The following PDZD2 variants were observed in gnomAD, a reference collection of about 807,000 sequenced individuals.
PDZD2 encodes the protein PDZ domain containing 2, also known as PDZ domain-containing protein 2.
PDZD2 carries 90 observed loss-of-function variants against 220.7 expected under a neutral mutation model. The observed-to-expected ratio is 0.41, with a 90% confidence interval of 0.34 to 0.49. The LOEUF (loss-of-function observed/expected upper bound fraction) is 0.49. Among genes scored for constraint, PDZD2 ranks in the 20% least tolerant of loss-of-function variants. The pLI, the probability that PDZD2 is intolerant of heterozygous loss-of-function variation, is 0.28. For synonymous variants in PDZD2, 1,375 were observed against 1,450.5 expected (o/e 0.95, Z 1.18); for missense variants, 3,174 against 3,608.5 (o/e 0.88, Z 3.08).
At chr5:31,650,833 G>A (rs1031166081) in intron 1 of PDZD2, among the ~76,000 whole-genome samples, 3 of 152,042 alleles carry the variant, frequency 2.0e-5, no homozygotes, top group African/African-American at 7.2e-5. Flanking sequence ...TGGTCTTTTC[G>A]GCCTCCGCGT....
At chr5:32,051,014 AGGTGGCAAGT>A (rs769370551) in intron 8 of PDZD2, among the ~76,000 whole-genome samples, 51 of 152,174 alleles carry the variant, frequency 3.4e-4, no homozygotes, top group Admixed American at 6.5e-4. Context: ...AGATACCTAC[AGGTGGCAAGT>A]GGCTACCATG....
chr5:31,837,616 C>T (rs573294590), intron 2 of PDZD2, among the ~76,000 whole-genome samples: 3 of 152,108 alleles, frequency 2.0e-5, no homozygotes, highest in South Asian at 2.1e-4. Flanking sequence ...CCGAGCTACT[C>T]GGGAGGCTGA....
chr5:32,078,638 T>TAAAAAAAAAAAA (rs66500422), intron 19 of PDZD2, among the ~76,000 whole-genome samples: 1 of 104,926 alleles, frequency 9.5e-6, no homozygotes. Context: ...TCTCAAAAAT[T>TAAAAAAAAAAAA]AAAAAAAAAA....
At chr5:31,694,580 G>A (rs906345005) in intron 1 of PDZD2, among the ~76,000 whole-genome samples, 5 of 152,138 alleles carry the variant, frequency 3.3e-5, no homozygotes, top group Admixed American at 2.6e-4. Context: ...GATGCTTCAC[G>A]AGATGCTGAA....
At chr5:31,737,424 G>T (rs1054634008) in intron 1 of PDZD2, among the ~76,000 whole-genome samples, 2 of 152,018 alleles carry the variant, frequency 1.3e-5, no homozygotes, top group Admixed American at 6.6e-5. Flanking sequence ...CGCCCGCCTT[G>T]GCCTCCCAAA....
At chr5:31,718,109 C>A (rs189007203) in intron 1 of PDZD2, among the ~76,000 whole-genome samples, 5 of 152,198 alleles carry the variant, frequency 3.3e-5, no homozygotes, top group Admixed American at 2.0e-4. Flanking sequence ...GGTTTTGGTG[C>A]TGTAAAAGAG....
At chr5:31,643,705 A>T (rs1745030603) in intron 1 of PDZD2, among the ~76,000 whole-genome samples, 1 of 152,248 alleles carries the variant, frequency 6.6e-6, no homozygotes, top group South Asian at 2.1e-4. Context: ...CTTTGATTAT[A>T]GTTGAAAAGA....
intron 23 of PDZD2, 166 bp from the exon 24 acceptor site, chr5:32,100,939 C>T (rs766777268): frequency 6.3e-7 from 1 of 1,598,888 alleles, no homozygotes; most frequent in Non-Finnish European, 8.5e-7. Context: ...GCCAACAGTG[C>T]TACTGGGCTC....
In PDZD2 at chr5:31,654,076, G is replaced by A. The variant is rs549127153; in HGVS notation, c.-361+14639G>A. Among the ~76,000 whole-genome samples the A allele has an allele frequency of 1.3e-4, 20 of 152,260 alleles. No individual in the cohort carries two copies. The South Asian group carries it at 2.1e-3, about 16-fold the overall frequency. On this transcript the variant is annotated intron_variant, in intron 1 of 24. Transcript: ENST00000438447. ...TGGGATTACAGGCGTGGGCCACCGC[G>A]CCTGGCCCCAATATATGTTTTAAGC... is the stretch of plus-strand genomic sequence containing the variant.
rs866266698 is a variant in PDZD2, at chr5:31,901,405, G to A, written c.477-81750G>A. Among the ~76,000 whole-genome samples the A allele has an allele frequency of 6.1e-5, 8 of 131,904 alleles. No individual in the cohort carries two copies. In the South Asian group the frequency reaches 9.9e-4, roughly 16 times the overall value. The allele number at this position is 131,904 out of a possible 152,430, so 86.5% of individuals were successfully genotyped here. A position where few individuals can be genotyped will look rare whatever the true frequency, so the allele number is the denominator to read the frequency against. ...TGCACTCCAGCCTGGGTGACAGAGC[G>A]AGACTGTCTCAAAAAAAAAAAAAAA... On this transcript the variant is annotated intron_variant, in intron 2 of 24. Coordinates refer to ENST00000438447, the MANE Select transcript of PDZD2 (RefSeq NM_178140.4).
chr5:31,801,489 G>A (rs1013487177), intron 2 of PDZD2, among the ~76,000 whole-genome samples: 1 of 152,170 alleles, frequency 6.6e-6, no homozygotes, highest in Non-Finnish European at 1.5e-5. Flanking sequence ...TTCTTTGAAA[G>A]TGGTCCCTAA....
chr5:31,938,926 G>A (rs1024256059), intron 2 of PDZD2, among the ~76,000 whole-genome samples: 1 of 152,184 alleles, frequency 6.6e-6, no homozygotes, highest in African/African-American at 2.4e-5. Context: ...GCCATCTTGT[G>A]TAAGTAGCTT....
chr5:31,936,171 C>G (rs1365630784), intron 2 of PDZD2: 1 of 987,434 alleles, frequency 1.0e-6, no homozygotes, highest in Admixed American at 6.2e-5. Flanking sequence ...GGGGAGCTGG[C>G]AGGAAGTTGG....
At chr5:31,749,857 C>T (rs916195855) in intron 1 of PDZD2, among the ~76,000 whole-genome samples, 3 of 152,162 alleles carry the variant, frequency 2.0e-5, no homozygotes, top group Admixed American at 6.5e-5. Context: ...GTGAGCCGCG[C>T]GTGGCTTCCC....
intron 1 of PDZD2, among the ~76,000 whole-genome samples, chr5:31,685,069 C>T (rs975535174): frequency 5.9e-5 from 9 of 152,066 alleles, no homozygotes; most frequent in African/African-American, 9.7e-5. Context: ...GCACCATTGC[C>T]CTCTCTGTTT....
intron 18 of PDZD2, among the ~76,000 whole-genome samples, chr5:32,076,831 T>C (rs183082649): frequency 9.2e-5 from 14 of 152,350 alleles, no homozygotes; most frequent in Admixed American, 8.5e-4. Context: ...TAACTGACAT[T>C]TTATGAAAAG....
intron 24 of PDZD2, chr5:32,107,215 C>T (rs956808838): frequency 1.3e-5 from 2 of 151,924 alleles, no homozygotes; most frequent in Non-Finnish European, 2.9e-5. Flanking sequence ...TTTTTCAAAG[C>T]TCATACAAAG....
At chr5:31,682,907 A>C (rs746276755) in intron 1 of PDZD2, among the ~76,000 whole-genome samples, 2 of 152,024 alleles carry the variant, frequency 1.3e-5, no homozygotes, top group African/African-American at 4.8e-5. Flanking sequence ...TCTCCCGATC[A>C]TGGGGAGTGT....
chr5:31,683,358 T>C (rs1287614460), intron 1 of PDZD2, among the ~76,000 whole-genome samples: 1 of 152,162 alleles, frequency 6.6e-6, no homozygotes. Flanking sequence ...GTAATATTTG[T>C]AAGGGTGCTT....
Sources: allele counts gnomAD v4.1 joint callset (sites outside exome capture counted in the v4.1 genomes callset), GRCh38; gene constraint gnomAD v4.1.1; transcripts MANE v1.5; gene names NCBI Gene and HGNC (gene_info 2026-07-23, HGNC 2026-07-21).